Variants in RARB observed in about 807,000 individuals in gnomAD.
RARB encodes the protein retinoic acid receptor beta.
Under a neutral mutation model 51.9 loss-of-function variants are expected in RARB, and 17 were observed. The ratio of observed to expected loss-of-function variants is 0.33; its 90% confidence interval spans 0.22 to 0.49. The LOEUF (loss-of-function observed/expected upper bound fraction) is 0.49, where lower values mean the gene tolerates loss of function less well. Ranked by LOEUF, RARB falls within the 20% of genes least tolerant of loss-of-function variation. The pLI, the probability that RARB is intolerant of heterozygous loss-of-function variation, is 0.99. For missense variants in RARB, 369 were observed against 550.8 expected (o/e 0.67, Z 3.30); for synonymous variants, 215 against 195.4 (o/e 1.10, Z -0.84).
chr3:25,309,495 T>C (rs1364515077), intron 5 of RARB, among the ~76,000 whole-genome samples: 1 of 99,716 alleles, frequency 1.0e-5, no homozygotes, highest in Non-Finnish European at 1.9e-5. Context: ...GCTTTTTTTT[T>C]TTTTTTTTTT....
At chr3:24,852,751 C>T (rs13067118) in intron 1 of RARB, among the ~76,000 whole-genome samples, 46,424 of 151,938 alleles carry the variant, frequency 0.31, 9,025 homozygotes, top group Admixed American at 0.41. Context: ...CAGACATAAA[C>T]GACAACAAAT....
intron 5 of RARB, among the ~76,000 whole-genome samples, chr3:25,365,212 T>A (rs983448826): frequency 1.4e-5 from 2 of 138,602 alleles, no homozygotes; most frequent in Admixed American, 1.4e-4. Flanking sequence ...TTTTTTTTTT[T>A]TTTTTTTTTT....
intron 2 of RARB, among the ~76,000 whole-genome samples, chr3:24,861,336 C>T (rs762958394): frequency 5.3e-5 from 8 of 152,004 alleles, no homozygotes; most frequent in Admixed American, 6.6e-5. Context: ...TTGGTATCTT[C>T]GGGGAGCCCT....
At chr3:25,329,100 G>A (rs1472074449) in intron 5 of RARB, among the ~76,000 whole-genome samples, 1 of 152,196 alleles carries the variant, frequency 6.6e-6, no homozygotes, top group Non-Finnish European at 1.5e-5. Flanking sequence ...TCTCAGGGCA[G>A]GGCATAGATG....
chr3:24,896,660 A>G (rs769471595), intron 2 of RARB, among the ~76,000 whole-genome samples: 4 of 152,170 alleles, frequency 2.6e-5, no homozygotes, highest in Non-Finnish European at 4.4e-5. Flanking sequence ...TGTATGCTTA[A>G]AAATATTAAA....
chr3:24,857,366 G>C (rs1006333331), intron 1 of RARB, among the ~76,000 whole-genome samples: 9 of 152,082 alleles, frequency 5.9e-5, no homozygotes, highest in African/African-American at 2.2e-4. Context: ...CGTTCACCCA[G>C]AAACATTTTG....
At chr3:25,399,796 A>G (rs914625124) in intron 5 of RARB, among the ~76,000 whole-genome samples, 1 of 152,224 alleles carries the variant, frequency 6.6e-6, no homozygotes, top group African/African-American at 2.4e-5. Flanking sequence ...GGTTTGTCTC[A>G]CAGGCAGAGA....
At chr3:24,866,084 G>A (rs1170681317) in intron 2 of RARB, among the ~76,000 whole-genome samples, 2 of 151,984 alleles carry the variant, frequency 1.3e-5, no homozygotes, top group East Asian at 1.9e-4. Flanking sequence ...GGTTAGCTGC[G>A]GACACCAATC....
intron 3 of RARB, among the ~76,000 whole-genome samples, chr3:25,089,425 A>G (rs1699158925): frequency 6.6e-6 from 1 of 152,114 alleles, no homozygotes; most frequent in Non-Finnish European, 1.5e-5. Flanking sequence ...GCAGGGATAA[A>G]TAAAGGAAGT....
upstream of RARB, among the ~76,000 whole-genome samples, chr3:25,423,605 A>G (rs1181876449): frequency 6.6e-5 from 10 of 152,228 alleles, no homozygotes; most frequent in Non-Finnish European, 1.3e-4. Flanking sequence ...TAATGAATAC[A>G]TGTAGAGGAC....
intron 5 of RARB, among the ~76,000 whole-genome samples, chr3:25,276,051 C>CT (rs1703373653): frequency 6.6e-6 from 1 of 152,240 alleles, no homozygotes; most frequent in Non-Finnish European, 1.5e-5. Context: ...TGAGGCTCAG[C>CT]TTCCCCTTCT....
At chr3:25,596,304 C>A in intron 7 of RARB, 116 bp from the exon 8 acceptor site, 1 of 822,504 alleles carries the variant, frequency 1.2e-6, no homozygotes, top group Non-Finnish European at 1.9e-6. Context: ...TTTCATAATT[C>A]CTAAGCAAGA....
intron 5 of RARB, among the ~76,000 whole-genome samples, chr3:25,385,840 T>C (rs1706778297): frequency 6.6e-6 from 1 of 152,154 alleles, no homozygotes; most frequent in African/African-American, 2.4e-5. Context: ...CCACGGTTCT[T>C]AGTCTAGGCA....
intron 5 of RARB, among the ~76,000 whole-genome samples, chr3:25,405,160 G>T (rs960919712): frequency 6.6e-6 from 1 of 152,154 alleles, no homozygotes; most frequent in Non-Finnish European, 1.5e-5. Flanking sequence ...CAGAGGCCTA[G>T]CATTTAGTGG....
At chr3:25,001,496 C>G (rs1286434719) in intron 2 of RARB, among the ~76,000 whole-genome samples, 1 of 152,050 alleles carries the variant, frequency 6.6e-6, no homozygotes, top group Non-Finnish European at 1.5e-5. Context: ...AAATGCGGGA[C>G]TGGTGGGAGA....
At chr3:25,017,219 C>T (rs12107995) in intron 2 of RARB, among the ~76,000 whole-genome samples, 11 of 148,548 alleles carry the variant, frequency 7.4e-5, no homozygotes, top group Middle Eastern at 3.4e-3. Context: ...CTTTCCCCCC[C>T]CCTTTCAGAA....
At chr3:24,861,880 C>T (rs531766005) in intron 2 of RARB, among the ~76,000 whole-genome samples, 1 of 152,326 alleles carries the variant, frequency 6.6e-6, no homozygotes, top group South Asian at 2.1e-4. Flanking sequence ...ACCACCAGGG[C>T]TCCCTGGATC....
At chr3:25,382,489 C>T (rs1706658133) in intron 5 of RARB, among the ~76,000 whole-genome samples, 2 of 152,200 alleles carry the variant, frequency 1.3e-5, no homozygotes, top group Non-Finnish European at 1.5e-5. Context: ...TCCTGAAGAG[C>T]ACCAGGTAAT....
At chr3:25,129,837 C>G (rs1699917298) in intron 3 of RARB, among the ~76,000 whole-genome samples, 1 of 152,042 alleles carries the variant, frequency 6.6e-6, no homozygotes, top group Admixed American at 6.6e-5. Context: ...CCTTTTGGTG[C>G]AGAGTGATGG....
Sources: allele counts gnomAD v4.1 joint callset (sites outside exome capture counted in the v4.1 genomes callset), GRCh38; gene constraint gnomAD v4.1.1; transcripts MANE v1.5; gene names NCBI Gene and HGNC (gene_info 2026-07-23, HGNC 2026-07-21).